Variants in SDHB observed in about 807,000 individuals in gnomAD.
SDHB encodes succinate dehydrogenase complex iron sulfur subunit B, also known as succinate dehydrogenase [ubiquinone] iron-sulfur subunit, mitochondrial.
SDHB carries 21 observed loss-of-function variants against 39.7 expected under a neutral mutation model. The observed-to-expected ratio is 0.53, with a 90% CI of 0.37 to 0.76. The LOEUF is 0.76. Among genes scored for constraint, SDHB ranks in the 30% least tolerant of loss-of-function variants. SDHB has a pLI of 0.00. For synonymous variants in SDHB, 118 were observed against 117.0 expected, an observed-to-expected ratio of 1.01 and a Z score of -0.06; for missense variants, 343 against 350.9, an observed-to-expected ratio of 0.98 and a Z score of 0.18.
chr1:17,022,984 G>A (rs969248527), intron 6 of SDHB: 1 of 442,912 alleles, frequency 2.3e-6, no homozygotes, highest in African/African-American at 2.0e-5. Flanking sequence ...TACACACTGG[G>A]TATCATCTCC....
In SDHB at chr1:17,022,651, T is replaced by C. The variant is rs878854582; in HGVS notation, c.722A>G (p.Tyr241Cys). 1 of 1,613,982 alleles carries C rather than the reference T, an allele frequency of 6.2e-7. No homozygotes were observed. The change falls in exon 7 of 8, where the codon TAC (tyrosine) becomes TGC (cysteine). Residue 241 changes from tyrosine (Y) to cysteine (C), a missense_variant. By Grantham distance (194) the Tyr-to-Cys change is radical (BLOSUM62 -2). Transcript: ENST00000375499. ...LAKLQDPFSLYRCHTIMNCTR... is the reference protein window; with the variant it reads ...LAKLQDPFSLCRCHTIMNCTR... The stretch of plus-strand genomic sequence containing the variant: ...GCAGTTCATGATGGTGTGGCAGCGG[T>C]ATAGAGAGAATGGGTCCTGCAGCTT...
intron 1 of SDHB, among the ~76,000 whole-genome samples, chr1:17,053,069 C>T (rs1261415092): frequency 1.3e-5 from 2 of 152,194 alleles, no homozygotes; most frequent in Non-Finnish European, 2.9e-5. Flanking sequence ...AGAAGAGGAA[C>T]AGACTTAGAA....
Position 17,054,031 on chromosome 1 carries a change from A to G in SDHB, c.-12T>C. 6 of 1,603,934 alleles carry G rather than the reference A, an allele frequency of 3.7e-6. No homozygotes were observed. Among genetic ancestry groups the G allele is most frequent in the South Asian group, 1.1e-5 (1 of 90,266 alleles). On this transcript the variant is annotated 5_prime_UTR_variant, in exon 1 of 8. Transcript: ENST00000375499. ...ACCACCGCCGCCATCTTGGCTCCTG[A>G]CGTCAGCCCCACCCCTTAACCCCGA...
chr1:17,053,842 CCT>C (rs1480763361), intron 1 of SDHB, 104 bp downstream of exon 1: 3 of 820,108 alleles, frequency 3.7e-6, no homozygotes, highest in African/African-American at 3.4e-5. Flanking sequence ...CCTCCATCTC[CCT>C]GAGGCCTTGC....
In SDHB at chr1:17,044,825, G is replaced by A. The variant is rs74315370; in HGVS notation, c.136C>T (p.Arg46Ter). ...TCTCCAGCCTTGTCTGGGTCCCATC[G>A]ATAGATGGCAAATTTCTTGATACGG... ...APRIKKFAIY[R>*]WDPDKAGDKP... Residue 46 changes from arginine to a stop codon, truncating the protein, a stop_gained, in exon 2 of 8, where the codon CGA (arginine) becomes TGA (stop). Coordinates refer to ENST00000375499, the MANE Select transcript of SDHB (RefSeq NM_003000.3). LOFTEE classifies it high-confidence loss of function. The A allele has an allele frequency of 1.1e-5, 17 of 1,613,622 alleles. No individual in the cohort carries two copies. The highest frequency in any genetic ancestry group is 4.0e-5 in the African/African-American group (3 of 74,886).
At position 17,024,433 on chromosome 1, in the gene SDHB, G is replaced by A. The variant is rs554443891; in HGVS notation, c.541-359C>T. Among the ~76,000 whole-genome samples the A allele has an allele frequency of 4.7e-4, 72 of 152,328 alleles. 1 individual carries two copies. In the Middle Eastern group the frequency reaches 0.01, roughly 22 times the overall value. ...AAGACGGGAGAGATTCAAAAGCCTA[G>A]GGGCTGAAGCAGCAAGAGTCTGTAG... is the stretch of plus-strand genomic sequence containing the variant. On this transcript the variant is annotated intron_variant, in intron 5 of 7. Coordinates refer to ENST00000375499, the MANE Select transcript of SDHB (RefSeq NM_003000.3).
intron 7 of SDHB, among the ~76,000 whole-genome samples, chr1:17,021,199 G>T (rs1352317444): frequency 1.3e-5 from 2 of 152,244 alleles, no homozygotes; most frequent in Non-Finnish European, 2.9e-5. Context: ...GTATTGAGAG[G>T]TGGGACCTTT....
intron 1 of SDHB, among the ~76,000 whole-genome samples, chr1:17,045,635 G>C (rs1309627089): frequency 6.6e-6 from 1 of 152,102 alleles, no homozygotes; most frequent in Non-Finnish European, 1.5e-5. Flanking sequence ...AGAAAGAAAA[G>C]ACTATACTCC....
At chr1:17,032,107 A>G (rs190973159) in intron 3 of SDHB, among the ~76,000 whole-genome samples, 3 of 152,290 alleles carry the variant, frequency 2.0e-5, no homozygotes, top group Non-Finnish European at 4.4e-5. Context: ...AACTTTCTTT[A>G]AAGTATCTCT....
Position 17,022,700 on chromosome 1 carries a change from C to A in SDHB, c.673G>T (p.Asp225Tyr). The change falls in exon 7 of 8, where the codon GAC (aspartate) becomes TAC (tyrosine). Residue 225 changes from aspartate to tyrosine, a missense_variant. Physicochemically the swap from Asp to Tyr is radical, Grantham distance 160 (BLOSUM62 -3). Transcript: ENST00000375499. ...AYRWMIDSRD[D>Y]FTEERLAKLQ... ...TTGGCCAGGCGCTCCTCTGTGAAGT[C>A]ATCTCTGGAGTCAATCATCCAGCGA... The A allele has an allele frequency of 6.2e-7, 1 of 1,613,884 alleles. No homozygotes were observed. Among genetic ancestry groups the A allele is most frequent in the South Asian group, 1.1e-5 (1 of 91,040 alleles).
At chr1:17,035,176 G>A (rs1263224678) in intron 2 of SDHB, among the ~76,000 whole-genome samples, 5 of 152,150 alleles carry the variant, frequency 3.3e-5, no homozygotes, top group Non-Finnish European at 5.9e-5. Flanking sequence ...ACATACATGA[G>A]TTAAATGTTT....
chr1:17,052,098 T>G (rs1177031580), intron 1 of SDHB, among the ~76,000 whole-genome samples: 1 of 152,116 alleles, frequency 6.6e-6, no homozygotes, highest in African/African-American at 2.4e-5. Flanking sequence ...CCACCCACCT[T>G]GGCCTCCCAA....
intron 1 of SDHB, among the ~76,000 whole-genome samples, chr1:17,049,006 C>T (rs993441290): frequency 2.6e-5 from 4 of 151,728 alleles, no homozygotes; most frequent in Admixed American, 6.6e-5. Context: ...CCACCTTGCC[C>T]GGCCTTTATT....
intron 1 of SDHB, 21 bp from the exon 2 acceptor site, chr1:17,044,909 C>T (rs1311107626): frequency 1.2e-6 from 2 of 1,604,314 alleles, no homozygotes; most frequent in Non-Finnish European, 1.7e-6. Flanking sequence ...TTAAAGTTCA[C>T]AAAAAGGAAA....
intron 1 of SDHB, among the ~76,000 whole-genome samples, chr1:17,050,593 G>A (rs1340034325): frequency 2.0e-5 from 3 of 151,598 alleles, no homozygotes; most frequent in East Asian, 3.9e-4. Flanking sequence ...CGGAGGGTAC[G>A]GTGAGCCAAG....
intron 1 of SDHB, among the ~76,000 whole-genome samples, chr1:17,049,052 C>T (rs1217619457): frequency 6.6e-6 from 1 of 152,046 alleles, no homozygotes; most frequent in Admixed American, 6.6e-5. Context: ...AGCTTTATTG[C>T]CCAGGCTGGA....
chr1:17,046,862 C>G (rs1357481474), intron 1 of SDHB, among the ~76,000 whole-genome samples: 2 of 152,002 alleles, frequency 1.3e-5, no homozygotes, highest in Non-Finnish European at 2.9e-5. Flanking sequence ...GGATTACAGG[C>G]ATGTGCTACC....
chr1:17,051,927 C>T (rs2078150394), intron 1 of SDHB, among the ~76,000 whole-genome samples: 1 of 151,922 alleles, frequency 6.6e-6, no homozygotes, highest in South Asian at 2.1e-4. Context: ...CTGCACCCTC[C>T]ACCTCCCAGG....
rs774090318 is a variant in SDHB, at chr1:17,024,001, T to G, written c.614A>C (p.Lys205Thr). The G allele has an allele frequency of 3.7e-6, 6 of 1,613,956 alleles. No individual in the cohort carries two copies. The highest frequency in any genetic ancestry group is 5.1e-6 in the Non-Finnish European group (6 of 1,179,960). Residue 205 changes from lysine to threonine, a missense_variant, in exon 6 of 8, where the codon AAA becomes ACA. Physicochemically the swap from Lys to Thr is moderately conservative, Grantham distance 78. Coordinates refer to ENST00000375499, the MANE Select transcript of SDHB (RefSeq NM_003000.3). ...SCPSYWWNGDKYLGPAVLMQA... is the reference protein window; with the variant it reads ...SCPSYWWNGDTYLGPAVLMQA... The stretch of plus-strand genomic sequence containing the variant: ...CATAAGAACTGCAGGCCCCAGATAT[T>G]TGTCTCCGTTCCACCAGTAGCTGGG...
Sources: allele counts gnomAD v4.1 joint callset (sites outside exome capture counted in the v4.1 genomes callset), GRCh38; gene constraint gnomAD v4.1.1; transcripts MANE v1.5; gene names NCBI Gene and HGNC (gene_info 2026-07-23, HGNC 2026-07-21).